Variants in CDH18 observed in about 807,000 individuals in gnomAD.
CDH18 encodes the protein cadherin 18.
In CDH18, 31 loss-of-function variants were observed where a neutral mutation model predicts 67.9. The ratio of observed to expected loss-of-function variants is 0.46; its 90% CI spans 0.34 to 0.62. The LOEUF is 0.62. Among genes scored for constraint, CDH18 ranks in the 20% least tolerant of loss-of-function variants. The probability of loss-of-function intolerance (pLI) is 0.01; values close to 1 mark genes in which losing one functional copy is unlikely to be tolerated. For synonymous variants in CDH18, 362 were observed against 347.2 expected, an observed-to-expected ratio of 1.04 and a Z score of -0.48; for missense variants, 890 against 975.5, an observed-to-expected ratio of 0.91 and a Z score of 1.17.
chr5:19,808,936 G>C (rs945534071), intron 3 of CDH18, among the ~76,000 whole-genome samples: 1 of 151,560 alleles, frequency 6.6e-6, no homozygotes, highest in African/African-American at 2.4e-5. Flanking sequence ...ATTATATTTG[G>C]GAATATTTTA....
chr5:20,217,194 C>T (rs530247982), intron 2 of CDH18, among the ~76,000 whole-genome samples: 1 of 151,794 alleles, frequency 6.6e-6, no homozygotes, highest in Admixed American at 6.6e-5. Flanking sequence ...AAGAAATCAT[C>T]TGAAGGTATA....
At chr5:19,577,867 C>T (rs553397527) in intron 7 of CDH18, among the ~76,000 whole-genome samples, 3 of 152,112 alleles carry the variant, frequency 2.0e-5, no homozygotes, top group East Asian at 1.9e-4. Context: ...TGATAATCCT[C>T]GATTATTTAG....
chr5:20,077,748 A>G (rs897952286), intron 2 of CDH18, among the ~76,000 whole-genome samples: 1 of 152,186 alleles, frequency 6.6e-6, no homozygotes, highest in Non-Finnish European at 1.5e-5. Flanking sequence ...GTATTTTTAC[A>G]TTTGTTTAGT....
At chr5:20,211,119 T>C (rs1288950527) in intron 2 of CDH18, among the ~76,000 whole-genome samples, 1 of 152,084 alleles carries the variant, frequency 6.6e-6, no homozygotes. Context: ...CCAGTAATTA[T>C]AAAAATTATG....
intron 2 of CDH18, among the ~76,000 whole-genome samples, chr5:19,998,810 T>C (rs1736218136): frequency 6.6e-6 from 1 of 152,190 alleles, no homozygotes; most frequent in South Asian, 2.1e-4. Context: ...ATGAATCATA[T>C]TAACTTTGGT....
At chr5:20,069,601 C>T (rs192856022) in intron 2 of CDH18, among the ~76,000 whole-genome samples, 6 of 151,976 alleles carry the variant, frequency 3.9e-5, no homozygotes, top group Admixed American at 1.3e-4. Context: ...TTAGTAGAGA[C>T]GGAGTTTCAC....
At chr5:20,357,868 T>C (rs35489183) in intron 1 of CDH18, among the ~76,000 whole-genome samples, 28,836 of 152,032 alleles carry the variant, frequency 0.19, 2,978 homozygotes, top group East Asian at 0.27. Flanking sequence ...CAGCACTATT[T>C]GCAATAGCAA....
At chr5:20,561,778 A>C (rs909391935) in intron 1 of CDH18, among the ~76,000 whole-genome samples, 2 of 152,048 alleles carry the variant, frequency 1.3e-5, no homozygotes, top group Admixed American at 6.6e-5. Flanking sequence ...ATGCAATAAA[A>C]ATGGTTTTCT....
intron 1 of CDH18, among the ~76,000 whole-genome samples, chr5:20,450,162 AC>A (rs1750323316): frequency 6.6e-6 from 1 of 151,930 alleles, no homozygotes; most frequent in Admixed American, 6.6e-5. Context: ...ACATAATGAA[AC>A]CCTGTCTTTA....
intron 2 of CDH18, among the ~76,000 whole-genome samples, chr5:19,960,772 T>C (rs1796799997): frequency 7.2e-6 from 1 of 138,332 alleles, no homozygotes; most frequent in Non-Finnish European, 1.5e-5. Context: ...TATGTATATA[T>C]ACACGTGTAT....
intron 1 of CDH18, among the ~76,000 whole-genome samples, chr5:20,557,202 TTTTATAAG>T (rs1757952199): frequency 2.0e-5 from 3 of 152,108 alleles, no homozygotes; most frequent in African/African-American, 2.4e-5. Context: ...TAATAAGACA[TTTTATAAG>T]GAATATCAAA....
At chr5:19,489,257 T>G (rs1418385940) in intron 11 of CDH18, among the ~76,000 whole-genome samples, 1 of 145,576 alleles carries the variant, frequency 6.9e-6, no homozygotes, top group Non-Finnish European at 1.5e-5. Flanking sequence ...TTTCTTTTTT[T>G]TTTTTTTTGA....
At chr5:19,810,167 TAA>T (rs1160488368) in intron 3 of CDH18, among the ~76,000 whole-genome samples, 1 of 151,650 alleles carries the variant, frequency 6.6e-6, no homozygotes. Flanking sequence ...CCATCTCTAC[TAA>T]AAATACAAAA....
chr5:19,776,034 A>G (rs965620897), intron 3 of CDH18, among the ~76,000 whole-genome samples: 2 of 152,146 alleles, frequency 1.3e-5, no homozygotes, highest in Admixed American at 6.5e-5. Context: ...ACTGTACACA[A>G]AATTATCAGA....
chr5:19,499,000 G>T (rs1476831919), intron 11 of CDH18, among the ~76,000 whole-genome samples: 3 of 152,074 alleles, frequency 2.0e-5, no homozygotes, highest in Non-Finnish European at 1.5e-5. Flanking sequence ...AGATGTCTTT[G>T]AGAACAAGAA....
In CDH18 at chr5:19,994,734, TATATAGAGAGAGAGAGAGAGAGAGAGAG is replaced by T. The variant is rs1209449465; in HGVS notation, c.-517-2748_-517-2721del. ...ATATATATATATATATATATATATA[TATATAGAGAGAGAGAGAGAGAGAGAGAG>T]AGAGAGAGAGAGAGAGAGAGAGAGA... On this transcript the variant is annotated intron_variant, in intron 2 of 14. Coordinates refer to the CDH18 transcript ENST00000507958. Among the ~76,000 whole-genome samples the T allele has an allele frequency of 2.9e-3, 29 of 9,940 alleles. 1 individual carries two copies. The highest frequency in any genetic ancestry group is 0.01 in the African/African-American group (24 of 2,310). 6.5% of individuals were successfully genotyped at this position (9,940 alleles called of 152,430 possible).
At chr5:20,273,589 G>C (rs1300180544) in intron 1 of CDH18, among the ~76,000 whole-genome samples, 1 of 151,870 alleles carries the variant, frequency 6.6e-6, no homozygotes, top group African/African-American at 2.4e-5. Flanking sequence ...GTGGCATCTA[G>C]GTTTTTATGT....
In CDH18 at chr5:20,497,109, T is replaced by G. The variant is rs149432569; in HGVS notation, c.-580+78353A>C. Among the ~76,000 whole-genome samples, 186 of 152,074 alleles carry G rather than the reference T, an allele frequency of 1.2e-3. 4 individuals are homozygous for G. Among genetic ancestry groups the G allele is most frequent in the South Asian group, 7.5e-3 (36 of 4,816 alleles). ...AGGAATAGCCAAGCAAAAGCAGTGC[T>G]CATGTTTGAATTAATGTCATAAAGG... On this transcript the variant is annotated intron_variant, in intron 1 of 14. Coordinates refer to the CDH18 transcript ENST00000507958.
chr5:20,446,332 C>T (rs529688398), intron 1 of CDH18, among the ~76,000 whole-genome samples: 27 of 152,190 alleles, frequency 1.8e-4, no homozygotes, highest in African/African-American at 5.8e-4. Context: ...TTAGTGACAG[C>T]CTTGTCTGCT....
Sources: allele counts gnomAD v4.1 joint callset (sites outside exome capture counted in the v4.1 genomes callset), GRCh38; gene constraint gnomAD v4.1.1; transcripts MANE v1.5; gene names NCBI Gene and HGNC (gene_info 2026-07-23, HGNC 2026-07-21).